DPP6: variants seen among roughly 807,000 people sequenced by gnomAD.
DPP6 encodes the protein A-type potassium channel modulatory protein DPP6.
Under a neutral mutation model 122.6 loss-of-function variants are expected in DPP6, and 69 were observed. That is an observed-to-expected ratio of 0.56 (90% confidence interval 0.46 to 0.69). The LOEUF (loss-of-function observed/expected upper bound fraction) is 0.69. DPP6 is among the 30% of genes least tolerant of loss of function. The probability of loss-of-function intolerance (pLI) is 0.00; values close to 1 mark genes in which losing one functional copy is unlikely to be tolerated. For synonymous variants in DPP6, 418 were observed against 433.1 expected, an observed-to-expected ratio of 0.97 and a Z score of 0.43; for missense variants, 928 against 1,116.9, an observed-to-expected ratio of 0.83 and a Z score of 2.41.
rs1294834977 is a variant in DPP6 at position 154,481,061 on chromosome 7, G to T, written c.457+6024G>T. Among the ~76,000 whole-genome samples the T allele has an allele frequency of 6.6e-6, 1 of 152,098 alleles. No individual in the cohort carries two copies. The highest frequency in any genetic ancestry group is 2.4e-5 in the African/African-American group (1 of 41,414). ...GTCCACTCGGAGGGTTGGAGGGCTG[G>T]ACTCAAGCCCAGCAGCAGCAGGAAG... On this transcript the variant is annotated intron_variant, in intron 3 of 25. Coordinates refer to ENST00000377770, the MANE Select transcript of DPP6 (RefSeq NM_130797.4). This position sits in a 1 kb window ranked among gnomAD's most constrained non-coding sequence, Gnocchi z 4.2.
intron 9 of DPP6, 110 bp from the exon 10 acceptor site, chr7:154,772,735 C>T: frequency 6.9e-7 from 1 of 1,440,296 alleles, no homozygotes; most frequent in Non-Finnish European, 9.5e-7. Context: ...TATGGAGCTC[C>T]AGTGTCCTGG....
chr7:154,227,343 C>CA (rs2150842546), intron 1 of DPP6, among the ~76,000 whole-genome samples: 1 of 152,150 alleles, frequency 6.6e-6, no homozygotes, highest in East Asian at 1.9e-4. Context: ...CACAGAAAGA[C>CA]AGATATGACA....
chr7:154,834,165 A>G (rs979938211), intron 16 of DPP6, among the ~76,000 whole-genome samples: 2 of 152,118 alleles, frequency 1.3e-5, no homozygotes, highest in African/African-American at 4.8e-5. Flanking sequence ...AGGAATATTT[A>G]CACTATTAAC....
intron 5 of DPP6, among the ~76,000 whole-genome samples, chr7:154,635,918 T>C (rs1404031364): frequency 6.6e-6 from 1 of 152,202 alleles, no homozygotes; most frequent in Non-Finnish European, 1.5e-5. Context: ...TCTTATAAGC[T>C]GGCTGCAGAA....
chr7:154,219,074 C>T (rs928702005), intron 1 of DPP6, among the ~76,000 whole-genome samples: 2 of 152,216 alleles, frequency 1.3e-5, no homozygotes, highest in African/African-American at 2.4e-5. Context: ...TGAAATTTTA[C>T]TTCCTAAGAT....
chr7:154,544,502 T>C (rs1164251516), intron 4 of DPP6, among the ~76,000 whole-genome samples: 2 of 152,188 alleles, frequency 1.3e-5, no homozygotes, highest in Non-Finnish European at 2.9e-5. Flanking sequence ...GCTCCACTGC[T>C]ATGTGTTTTA....
intron 1 of DPP6, among the ~76,000 whole-genome samples, chr7:154,023,318 GCACACACACACACACACA>G (rs1554436897): frequency 2.3e-5 from 3 of 129,528 alleles, no homozygotes; most frequent in African/African-American, 3.2e-5. Flanking sequence ...TTTCTTGTCT[GCACACACACACACACACA>G]CACACACACA....
At chr7:154,105,601 G>T (rs927095127) in intron 1 of DPP6, among the ~76,000 whole-genome samples, 22 of 152,192 alleles carry the variant, frequency 1.4e-4, no homozygotes, top group African/African-American at 5.3e-4. Flanking sequence ...ATTCCCAAGT[G>T]TCCTGGGAGG....
intron 1 of DPP6, among the ~76,000 whole-genome samples, chr7:154,102,716 A>G: frequency 6.6e-6 from 1 of 152,188 alleles, no homozygotes; most frequent in Admixed American, 6.5e-5. Context: ...ATGGACAACT[A>G]TAAAACCTCC....
upstream of DPP6, among the ~76,000 whole-genome samples, chr7:153,886,439 G>A (rs527623806): frequency 2.6e-4 from 40 of 152,318 alleles, no homozygotes; most frequent in South Asian, 5.4e-3. Context: ...TCCAGGGTAG[G>A]GAGAGCCGTG....
At chr7:154,431,215 C>T (rs907439772) in intron 1 of DPP6, among the ~76,000 whole-genome samples, 1 of 152,108 alleles carries the variant, frequency 6.6e-6, no homozygotes, top group East Asian at 1.9e-4. Flanking sequence ...GGGGGAAGCG[C>T]CAAGGCCGTC....
intron 1 of DPP6, among the ~76,000 whole-genome samples, chr7:154,249,099 C>T (rs1199195091): frequency 2.0e-5 from 3 of 152,220 alleles, no homozygotes; most frequent in Middle Eastern, 3.4e-3. Flanking sequence ...TGAAAACTCA[C>T]GGTGGGGCTG....
intron 5 of DPP6, among the ~76,000 whole-genome samples, chr7:154,632,509 C>G (rs553974142): frequency 6.6e-6 from 1 of 152,254 alleles, no homozygotes; most frequent in African/African-American, 2.4e-5. Flanking sequence ...CATGATGGAG[C>G]TACCAACTGA....
In DPP6 at chr7:154,760,874, G is replaced by A. The variant is rs117259730; in HGVS notation, c.884-8543G>A. Among the ~76,000 whole-genome samples the A allele has an allele frequency of 0.012, 1,790 of 145,978 alleles. 21 individuals are homozygous for A. The highest frequency in any genetic ancestry group is 0.024 in the South Asian group (111 of 4,654). ...TTTTTTGAGACAGTCTTGCTGTGTC[G>A]CCCAGGCTTGAGTGCAATGGTGCAA... On this transcript the variant is annotated intron_variant, in intron 8 of 25. Coordinates refer to ENST00000377770, the MANE Select transcript of DPP6 (RefSeq NM_130797.4). The surrounding 1 kb of genome is among the most constrained non-coding windows in gnomAD (Gnocchi z 4.5).
At chr7:154,575,299 G>T (rs1439300827) in intron 5 of DPP6, among the ~76,000 whole-genome samples, 107 of 104,124 alleles carry the variant, frequency 1.0e-3, no homozygotes, top group Non-Finnish European at 1.9e-3. Flanking sequence ...TATGTGTGTG[G>T]GGGGTGTATG....
intron 5 of DPP6, among the ~76,000 whole-genome samples, chr7:154,584,097 C>A (rs1832269473): frequency 6.6e-6 from 1 of 152,198 alleles, no homozygotes; most frequent in African/African-American, 2.4e-5. Flanking sequence ...CTCAGCCTCC[C>A]CGCCCCACAC....
chr7:154,367,870 G>A (rs1418212091), intron 1 of DPP6, among the ~76,000 whole-genome samples: 5 of 152,182 alleles, frequency 3.3e-5, no homozygotes, highest in East Asian at 1.9e-4. Flanking sequence ...CAGTGGGCGC[G>A]ATCTCGGCTC....
At chr7:154,642,421 T>C (rs11243345) in intron 6 of DPP6, among the ~76,000 whole-genome samples, 91,956 of 151,212 alleles carry the variant, frequency 0.61, 28,251 homozygotes, top group East Asian at 0.81. Flanking sequence ...CAAAACCCCA[T>C]CTCTACTAAA....
chr7:154,804,972 C>T lies in DPP6; in HGVS notation c.1547+8C>T. On this transcript the variant is annotated splice_region_variant and intron_variant, in intron 15 of 25. Transcript: ENST00000377770. ...GAGACGACAACTCTACAGGTAACTC[C>T]TGCTCCCCCTGCACACAGGGCTCTC... The T allele has an allele frequency of 6.3e-7, 1 of 1,592,700 alleles. No homozygotes were observed. The highest frequency in any genetic ancestry group is 2.3e-5 in the East Asian group (1 of 43,984).
Sources: gnomAD v4.1 joint callset for allele counts (sites outside exome capture counted in the v4.1 genomes callset) on GRCh38, gnomAD v4.1.1 for gene constraint, Gnocchi (gnomAD v3.1) non-coding constraint, MANE v1.5 for transcripts, NCBI Gene and HGNC (gene_info 2026-07-23, HGNC 2026-07-21) for gene names.